ANO2: variants seen among roughly 807,000 people sequenced by gnomAD.
ANO2 encodes anoctamin-2.
ANO2 carries 101 observed loss-of-function variants against 124.2 expected under a neutral mutation model. That is an observed-to-expected ratio of 0.81 (90% CI 0.69 to 0.96). The LOEUF is 0.96. Among genes scored for constraint, ANO2 ranks in the 40% least tolerant of loss-of-function variants. ANO2 has a pLI of 0.00. For synonymous variants in ANO2, 486 were observed against 482.5 expected (o/e 1.01, Z -0.09); for missense variants, 1,293 against 1,274.5 (o/e 1.01, Z -0.22).
intron 20 of ANO2, among the ~76,000 whole-genome samples, chr12:5,579,667 T>C (rs1262405313): frequency 6.6e-6 from 1 of 152,152 alleles, no homozygotes; most frequent in Non-Finnish European, 1.5e-5. Context: ...TTGGCTCCAC[T>C]CTGTTCACTG....
intron 14 of ANO2, among the ~76,000 whole-genome samples, chr12:5,668,268 C>A (rs898598599): frequency 5.3e-5 from 8 of 152,200 alleles, no homozygotes; most frequent in African/African-American, 1.9e-4. Context: ...GATAGCATCT[C>A]ATTGTGGTTT....
intron 3 of ANO2, among the ~76,000 whole-genome samples, chr12:5,914,976 C>G (rs1272675829): frequency 6.6e-6 from 1 of 152,154 alleles, no homozygotes; most frequent in African/African-American, 2.4e-5. Context: ...GCCGACCAGA[C>G]CTCCCCAGAG....
At chr12:5,781,754 T>G (rs1258472215) in intron 10 of ANO2, among the ~76,000 whole-genome samples, 2 of 152,250 alleles carry the variant, frequency 1.3e-5, no homozygotes, top group African/African-American at 2.4e-5. Context: ...GCAGGCAAGA[T>G]GACCTGTTGG....
At position 5,563,263 on chromosome 12, in the gene ANO2, T is replaced by C. The variant is rs1457685968; in HGVS notation, c.*36A>G. ...ATGCTTACGTGCATGTGCGTGTCTCTGCTGCCGTGCCCTCCTCTGCTGCAG... is the reference window on the plus strand; with the variant it reads ...ATGCTTACGTGCATGTGCGTGTCTCCGCTGCCGTGCCCTCCTCTGCTGCAG... On this transcript the variant is annotated 3_prime_UTR_variant, in exon 25 of 25. Coordinates refer to ENST00000682330, the MANE Select transcript of ANO2 (RefSeq NM_001364791.2). The C allele has an allele frequency of 3.2e-6, 5 of 1,572,844 alleles. No individual in the cohort carries two copies. Among genetic ancestry groups the C allele is most frequent in the East Asian group, 4.6e-5 (2 of 43,400 alleles).
chr12:5,888,016 C>G (rs1319472033), intron 3 of ANO2, among the ~76,000 whole-genome samples: 3 of 152,158 alleles, frequency 2.0e-5, no homozygotes, highest in Non-Finnish European at 4.4e-5. Context: ...TTGGTGGGTT[C>G]TTGGTCTCAC....
At chr12:5,647,520 G>T (rs142451203) in intron 15 of ANO2, among the ~76,000 whole-genome samples, 1 of 152,104 alleles carries the variant, frequency 6.6e-6, no homozygotes. Flanking sequence ...GCACCATCTC[G>T]CAACCCACTC....
At chr12:5,733,075 AG>A (rs915155226) in intron 13 of ANO2, 35 of 643,084 alleles carry the variant, frequency 5.4e-5, no homozygotes, top group Non-Finnish European at 9.0e-5. Context: ...TGTGCCCCAC[AG>A]CTGGGAGTGA....
intron 14 of ANO2, among the ~76,000 whole-genome samples, chr12:5,718,680 A>C (rs1950108785): frequency 6.6e-6 from 1 of 152,074 alleles, no homozygotes; most frequent in African/African-American, 2.4e-5. Context: ...GACACTTCTC[A>C]GAATCCCTTG....
chr12:5,905,423 ATC>A (rs1251007046), intron 3 of ANO2, among the ~76,000 whole-genome samples: 1 of 152,232 alleles, frequency 6.6e-6, no homozygotes, highest in Non-Finnish European at 1.5e-5. Flanking sequence ...CAGTAGAAGC[ATC>A]TCTTATTACT....
intron 1 of ANO2, among the ~76,000 whole-genome samples, chr12:5,923,131 CATACACACACAT>C (rs1259780858): frequency 2.0e-5 from 1 of 49,674 alleles, no homozygotes; most frequent in Admixed American, 2.9e-4. Context: ...CACACACCCA[CATACACACACAT>C]GCACACATAC....
At chr12:5,640,440 CAA>C (rs1460923541) in intron 15 of ANO2, among the ~76,000 whole-genome samples, 1 of 152,150 alleles carries the variant, frequency 6.6e-6, no homozygotes, top group African/African-American at 2.4e-5. Context: ...AGTGAACAGG[CAA>C]CCTACAGAAT....
At chr12:5,805,107 T>C (rs1392979760) in intron 9 of ANO2, among the ~76,000 whole-genome samples, 2 of 151,988 alleles carry the variant, frequency 1.3e-5, no homozygotes, top group Non-Finnish European at 2.9e-5. Context: ...GCAGATTCCC[T>C]GGGCAGGCAG....
At position 5,921,260 on chromosome 12, in the gene ANO2, T is replaced by C; in HGVS notation, c.314A>G (p.Tyr105Cys). The C allele has an allele frequency of 6.2e-7, 1 of 1,613,884 alleles. No individual in the cohort carries two copies. The highest frequency in any genetic ancestry group is 1.1e-5 in the South Asian group (1 of 91,064). ...GTGCACCCCGCGTTTCCGGTAGTGG[T>C]AGGCAAGTACATAGTCGACCTTCCT... ...SQRKVDYVLAYHYRKRGVHLA... is the reference protein window; with the variant it reads ...SQRKVDYVLACHYRKRGVHLA... The change falls in exon 3 of 25, where the codon TAC becomes TGC. Residue 105 changes from tyrosine (Y) to cysteine (C), a missense_variant. Coordinates refer to ENST00000682330, the MANE Select transcript of ANO2 (RefSeq NM_001364791.2).
intron 14 of ANO2, among the ~76,000 whole-genome samples, chr12:5,711,960 C>T (rs1020754298): frequency 1.3e-5 from 2 of 152,114 alleles, no homozygotes; most frequent in Non-Finnish European, 2.9e-5. Context: ...TCCAAGCACA[C>T]GTATATCAGC....
At position 5,674,760 on chromosome 12, in the gene ANO2, C is replaced by A. The variant is rs550205561; in HGVS notation, c.1546-26959G>T. 4.1e-4 allele frequency among the ~76,000 whole-genome samples: 63 copies of A among 152,318 alleles called. 1 individual carries two copies. Among genetic ancestry groups the A allele is most frequent in the Non-Finnish European group, 7.6e-4 (52 of 68,036 alleles). ...TTGATTCTGGATCATTATTTCAATT[C>A]TCTAAGCCTCAGTTTCCACATCTGT... On this transcript the variant is annotated intron_variant, in intron 14 of 24. Transcript: ENST00000682330.
chr12:5,667,912 C>T (rs895334331), intron 14 of ANO2, among the ~76,000 whole-genome samples: 2 of 152,196 alleles, frequency 1.3e-5, no homozygotes, highest in African/African-American at 2.4e-5. Context: ...CATAGTATTC[C>T]ATGGTATATA....
At chr12:5,820,790 G>A (rs770129645) in intron 7 of ANO2, among the ~76,000 whole-genome samples, 2 of 152,156 alleles carry the variant, frequency 1.3e-5, no homozygotes, top group Non-Finnish European at 2.9e-5. Flanking sequence ...GAATAACAGG[G>A]GATTACTGTA....
chr12:5,772,455 A>G (rs1427106452), intron 10 of ANO2, among the ~76,000 whole-genome samples: 2 of 152,208 alleles, frequency 1.3e-5, no homozygotes, highest in Admixed American at 1.3e-4. Flanking sequence ...TAGATTAAAA[A>G]CCAGTTAAAT....
intron 14 of ANO2, among the ~76,000 whole-genome samples, chr12:5,671,523 G>T (rs1948003801): frequency 6.6e-6 from 1 of 152,032 alleles, no homozygotes; most frequent in Non-Finnish European, 1.5e-5. Context: ...GCGTGTGTGT[G>T]TGAGTGTGTG....
Sources: allele counts gnomAD v4.1 joint callset (sites outside exome capture counted in the v4.1 genomes callset), GRCh38; gene constraint gnomAD v4.1.1; transcripts MANE v1.5; gene names NCBI Gene and HGNC (gene_info 2026-07-23, HGNC 2026-07-21).